Variants in NEK10 observed in about 807,000 individuals in gnomAD.
The protein encoded by NEK10 is NIMA related kinase 10.
NEK10 carries 122 observed loss-of-function variants against 159.8 expected under a neutral mutation model. The observed-to-expected ratio is 0.76, with a 90% CI of 0.66 to 0.89. The LOEUF (loss-of-function observed/expected upper bound fraction) is 0.89. Ranked by LOEUF, NEK10 falls within the 40% of genes least tolerant of loss-of-function variation. The probability of loss-of-function intolerance (pLI) is 0.00; values close to 1 mark genes in which losing one functional copy is unlikely to be tolerated. For missense variants in NEK10, 1,342 were observed against 1,323.1 expected (o/e 1.01, Z -0.22); for synonymous variants, 466 against 457.1 (o/e 1.02, Z -0.25).
chr3:27,227,428 G>C (rs1403958021), intron 23 of NEK10, among the ~76,000 whole-genome samples: 2 of 152,172 alleles, frequency 1.3e-5, no homozygotes, highest in Non-Finnish European at 1.5e-5. Context: ...TAGCATAAAG[G>C]TTAGAGTCAA....
Position 27,106,753 on chromosome 3 carries a change from C to T in NEK10, c.*4519G>A, listed in dbSNP as rs1939022662. ...TTTGCAAAAACTTCGGCTAATTTTT[C>T]ATTTGTGAACTCACCATATCAATTC... On this transcript the variant is annotated 3_prime_UTR_variant, in exon 36 of 36. Coordinates refer to ENST00000691995, the MANE Select transcript of NEK10 (RefSeq NM_001394966.1). Among the ~76,000 whole-genome samples the T allele has an allele frequency of 6.6e-6, 1 of 152,182 alleles. No individual in the cohort carries two copies. The highest frequency in any genetic ancestry group is 2.4e-5 in the African/African-American group (1 of 41,442).
At chr3:27,148,384 T>C (rs1009019494) in intron 30 of NEK10, among the ~76,000 whole-genome samples, 1 of 152,160 alleles carries the variant, frequency 6.6e-6, no homozygotes, top group Non-Finnish European at 1.5e-5. Context: ...ATGGATAGAT[T>C]CTTAGCTACT....
At chr3:27,299,528 G>C (rs1041307094) in intron 13 of NEK10, among the ~76,000 whole-genome samples, 2 of 152,188 alleles carry the variant, frequency 1.3e-5, no homozygotes, top group African/African-American at 4.8e-5. Flanking sequence ...TCCCTGCTGG[G>C]GTACTGCCTA....
intron 29 of NEK10, among the ~76,000 whole-genome samples, chr3:27,168,244 G>A (rs368214464): frequency 4.0e-5 from 6 of 148,892 alleles, no homozygotes; most frequent in African/African-American, 1.5e-4. Flanking sequence ...TTTTATACAT[G>A]GCACAGAATA....
chr3:27,171,443 A>C (rs1171922989), intron 29 of NEK10, among the ~76,000 whole-genome samples: 1 of 152,060 alleles, frequency 6.6e-6, no homozygotes, highest in African/African-American at 2.4e-5. Context: ...CGGTCTCATA[A>C]GTCATATTGG....
intron 22 of NEK10, among the ~76,000 whole-genome samples, chr3:27,277,803 A>G (rs933685755): frequency 1.6e-4 from 24 of 152,206 alleles, no homozygotes; most frequent in African/African-American, 5.3e-4. Flanking sequence ...TCTTTGACCA[A>G]TGAAATCTGA....
intron 22 of NEK10, among the ~76,000 whole-genome samples, chr3:27,284,157 G>A (rs568770403): frequency 1.3e-5 from 2 of 152,256 alleles, no homozygotes; most frequent in Non-Finnish European, 2.9e-5. Flanking sequence ...AGGACGAGGA[G>A]GGTGGATCAC....
intron 30 of NEK10, among the ~76,000 whole-genome samples, chr3:27,144,799 G>A (rs1944135836): frequency 1.3e-5 from 2 of 152,038 alleles, no homozygotes. Context: ...ACAGTTCACT[G>A]CAGCCTCTGC....
At chr3:27,291,880 G>T (rs931580564) in intron 16 of NEK10, among the ~76,000 whole-genome samples, 1 of 152,106 alleles carries the variant, frequency 6.6e-6, no homozygotes, top group Non-Finnish European at 1.5e-5. Context: ...CTGACCTCGT[G>T]ATCCGCCCGT....
chr3:27,264,294 A>G (rs764254080), intron 22 of NEK10, among the ~76,000 whole-genome samples: 1 of 152,204 alleles, frequency 6.6e-6, no homozygotes, highest in African/African-American at 2.4e-5. Context: ...TCACTTCATA[A>G]AGCCAACATT....
chr3:27,277,622 G>A (rs1004420668), intron 22 of NEK10, among the ~76,000 whole-genome samples: 2 of 152,244 alleles, frequency 1.3e-5, no homozygotes, highest in Non-Finnish European at 2.9e-5. Flanking sequence ...CATGTGCTAT[G>A]CCTCTGCATT....
At chr3:27,331,533 C>T (rs1239640821) in intron 5 of NEK10, among the ~76,000 whole-genome samples, 1 of 152,124 alleles carries the variant, frequency 6.6e-6, no homozygotes, top group African/African-American at 2.4e-5. Context: ...AGAGATTGTC[C>T]CTGCATCCTA....
chr3:27,230,307 G>C (rs1437996484), intron 23 of NEK10, among the ~76,000 whole-genome samples: 1 of 152,012 alleles, frequency 6.6e-6, no homozygotes, highest in Non-Finnish European at 1.5e-5. Context: ...GTCTTTTTCA[G>C]ACAAACAAAT....
At chr3:27,266,777 A>G (rs2040929901) in intron 22 of NEK10, among the ~76,000 whole-genome samples, 1 of 152,158 alleles carries the variant, frequency 6.6e-6, no homozygotes, top group Non-Finnish European at 1.5e-5. Context: ...CTGAAGAGAA[A>G]CTACAGGAGA....
chr3:27,292,929 A>G lies in NEK10; in HGVS notation c.1373+659T>C, dbSNP rs137923947. 1.2e-3 allele frequency among the ~76,000 whole-genome samples: 188 copies of G among 152,318 alleles called. 3 individuals are homozygous for G. In the East Asian group the frequency reaches 0.029, roughly 23 times the overall value. ...CCATGCTTTCTGAACAAAAAATACT[A>G]TATTAACTCAATACTTTATGTCTAT... On this transcript the variant is annotated intron_variant, in intron 16 of 35. Coordinates refer to ENST00000691995, the MANE Select transcript of NEK10 (RefSeq NM_001394966.1).
intron 32 of NEK10, among the ~76,000 whole-genome samples, chr3:27,122,158 G>A (rs917522256): frequency 1.3e-5 from 2 of 152,046 alleles, no homozygotes; most frequent in African/African-American, 4.8e-5. Flanking sequence ...CCCCCATGCT[G>A]TTGTCATGAT....
intron 6 of NEK10, among the ~76,000 whole-genome samples, chr3:27,315,498 T>C (rs1469049863): frequency 6.6e-6 from 1 of 152,246 alleles, no homozygotes; most frequent in Non-Finnish European, 1.5e-5. Flanking sequence ...ATCAATGCTA[T>C]TCACTCTAGA....
intron 14 of NEK10, 52 bp from the exon 15 acceptor site, chr3:27,295,742 A>G: frequency 6.7e-7 from 1 of 1,488,270 alleles, no homozygotes; most frequent in Non-Finnish European, 8.9e-7. Flanking sequence ...AGTGATACAC[A>G]AGCAAAAAGA....
At chr3:27,267,396 T>TC (rs1290740533) in intron 22 of NEK10, among the ~76,000 whole-genome samples, 2 of 152,218 alleles carry the variant, frequency 1.3e-5, no homozygotes, top group African/African-American at 4.8e-5. Flanking sequence ...AATATTGCAT[T>TC]CTTTTTTACA....
Sources: gnomAD v4.1 joint callset for allele counts (sites outside exome capture counted in the v4.1 genomes callset) on GRCh38, gnomAD v4.1.1 for gene constraint, MANE v1.5 for transcripts, NCBI Gene and HGNC (gene_info 2026-07-23, HGNC 2026-07-21) for gene names.